The following UBE2E2 variants were observed in gnomAD, a reference collection of about 807,000 sequenced individuals.
UBE2E2 encodes the protein ubiquitin conjugating enzyme E2 E2.
In UBE2E2, 6 loss-of-function variants were observed where a neutral mutation model predicts 24.7. The ratio of observed to expected loss-of-function variants is 0.24; its 90% confidence interval spans 0.13 to 0.48. The LOEUF (loss-of-function observed/expected upper bound fraction) is 0.48. Ranked by LOEUF, UBE2E2 falls within the 20% of genes least tolerant of loss-of-function variation. The probability of loss-of-function intolerance (pLI) is 0.99; values close to 1 mark genes in which losing one functional copy is unlikely to be tolerated. For missense variants in UBE2E2, 169 were observed against 245.0 expected (o/e 0.69, Z 2.07); for synonymous variants, 104 against 83.6 (o/e 1.24, Z -1.33).
At chr3:23,357,890 A>C (rs1244388504) in intron 3 of UBE2E2, among the ~76,000 whole-genome samples, 1 of 152,204 alleles carries the variant, frequency 6.6e-6, no homozygotes, top group African/African-American at 2.4e-5. Flanking sequence ...CCAGGCTGGC[A>C]TGCACTGGCA....
At chr3:23,282,930 C>A (rs1190374454) in intron 3 of UBE2E2, among the ~76,000 whole-genome samples, 2 of 151,940 alleles carry the variant, frequency 1.3e-5, no homozygotes, top group African/African-American at 4.8e-5. Context: ...TAACATAAAC[C>A]TATCAAAACA....
intron 3 of UBE2E2, among the ~76,000 whole-genome samples, chr3:23,259,437 G>A (rs1366855618): frequency 6.6e-6 from 1 of 151,894 alleles, no homozygotes; most frequent in Non-Finnish European, 1.5e-5. Context: ...TTTTAAAAAA[G>A]TATTGTTTGA....
intron 3 of UBE2E2, among the ~76,000 whole-genome samples, chr3:23,267,084 T>A (rs1184869425): frequency 6.6e-6 from 1 of 151,786 alleles, no homozygotes; most frequent in East Asian, 1.9e-4. Context: ...TAGCACTAAA[T>A]GCCCACAAGA....
chr3:23,341,800 T>C (rs951487539), intron 3 of UBE2E2, among the ~76,000 whole-genome samples: 6 of 152,196 alleles, frequency 3.9e-5, no homozygotes, highest in African/African-American at 1.4e-4. Context: ...CAATTTTTTC[T>C]TTGTGAAAAG....
intron 3 of UBE2E2, among the ~76,000 whole-genome samples, chr3:23,357,950 C>T (rs1696008754): frequency 1.3e-5 from 2 of 152,202 alleles, no homozygotes; most frequent in African/African-American, 4.8e-5. Context: ...ATCCTTCTAC[C>T]TCAGCCTTCC....
Position 23,407,507 on chromosome 3 carries a change from C to G in UBE2E2, c.228-92101C>G, listed in dbSNP as rs757038596. Reference sequence around the variant, plus strand: ...ATGTAAAGAATTGATCCCCTGCTCCCGTACTCATCCCTCTTCTTTCACTAC... The same window carrying G: ...ATGTAAAGAATTGATCCCCTGCTCCGGTACTCATCCCTCTTCTTTCACTAC... On this transcript the variant is annotated intron_variant, in intron 3 of 5. Transcript: ENST00000396703. The surrounding 1 kb of genome is among the most constrained non-coding windows in gnomAD (Gnocchi z 4.0). Among the ~76,000 whole-genome samples the G allele has an allele frequency of 1.8e-4, 28 of 152,226 alleles. No homozygotes were observed. The highest frequency in any genetic ancestry group is 3.2e-4 in the Non-Finnish European group (22 of 68,002).
At chr3:23,428,546 G>T (rs1419762622) in intron 3 of UBE2E2, among the ~76,000 whole-genome samples, 1 of 152,086 alleles carries the variant, frequency 6.6e-6, no homozygotes, top group African/African-American at 2.4e-5. Flanking sequence ...TTAAGAATTA[G>T]TGTATATATT....
chr3:23,221,527 G>A (rs1696641907), intron 3 of UBE2E2, among the ~76,000 whole-genome samples: 1 of 152,032 alleles, frequency 6.6e-6, no homozygotes, highest in Admixed American at 6.6e-5. Context: ...TGCCTTATCT[G>A]GACATTTTGT....
intron 3 of UBE2E2, among the ~76,000 whole-genome samples, chr3:23,353,158 A>G (rs1048309507): frequency 1.3e-5 from 2 of 152,252 alleles, no homozygotes; most frequent in African/African-American, 4.8e-5. Context: ...CAATATATGC[A>G]GAAAAGGCCT....
intron 3 of UBE2E2, among the ~76,000 whole-genome samples, chr3:23,241,714 A>C (rs1431421806): frequency 6.6e-6 from 1 of 152,132 alleles, no homozygotes; most frequent in African/African-American, 2.4e-5. Context: ...CTTATGATTA[A>C]CTGTGTTGTG....
At chr3:23,354,533 C>G (rs1051052261) in intron 3 of UBE2E2, among the ~76,000 whole-genome samples, 1 of 151,852 alleles carries the variant, frequency 6.6e-6, no homozygotes, top group Non-Finnish European at 1.5e-5. Context: ...AACAAATTTG[C>G]AAGAAAAAAA....
chr3:23,293,065 C>G (rs1447543217), intron 3 of UBE2E2, among the ~76,000 whole-genome samples: 1 of 152,192 alleles, frequency 6.6e-6, no homozygotes, highest in Non-Finnish European at 1.5e-5. Flanking sequence ...AAGAGCGAAA[C>G]TCCGTCTCAA....
At chr3:23,304,416 A>G (rs750026589) in intron 3 of UBE2E2, among the ~76,000 whole-genome samples, 7 of 152,202 alleles carry the variant, frequency 4.6e-5, no homozygotes, top group Non-Finnish European at 2.9e-5. Flanking sequence ...CAGATTTAGT[A>G]TACTTTTAAA....
At chr3:23,499,080 A>G (rs1165372057) in intron 3 of UBE2E2, among the ~76,000 whole-genome samples, 1 of 152,244 alleles carries the variant, frequency 6.6e-6, no homozygotes, top group South Asian at 2.1e-4. Context: ...AAAATGATAC[A>G]TCTTATCCTC....
chr3:23,281,828 T>G (rs908833612), intron 3 of UBE2E2, among the ~76,000 whole-genome samples: 5 of 152,234 alleles, frequency 3.3e-5, no homozygotes, highest in Non-Finnish European at 5.9e-5. Flanking sequence ...CAAAATAGTT[T>G]GAATTATTGT....
At chr3:23,576,755 G>T (rs565864938) in intron 5 of UBE2E2, among the ~76,000 whole-genome samples, 2 of 152,242 alleles carry the variant, frequency 1.3e-5, no homozygotes, top group African/African-American at 4.8e-5. Context: ...GTTTAGCACT[G>T]GTTCTCCAGT....
intron 5 of UBE2E2, among the ~76,000 whole-genome samples, chr3:23,545,468 A>G (rs1184787410): frequency 6.6e-6 from 1 of 152,344 alleles, no homozygotes; most frequent in East Asian, 1.9e-4. Flanking sequence ...TGAGTTTGAC[A>G]CAGCACATGT....
At chr3:23,214,666 T>C (rs904348116) in intron 2 of UBE2E2, among the ~76,000 whole-genome samples, 2 of 152,108 alleles carry the variant, frequency 1.3e-5, no homozygotes, top group Non-Finnish European at 2.9e-5. Flanking sequence ...ATGTTAAAAA[T>C]AGTTTTCTTT....
At chr3:23,279,392 A>G (rs1698438660) in intron 3 of UBE2E2, among the ~76,000 whole-genome samples, 1 of 152,220 alleles carries the variant, frequency 6.6e-6, no homozygotes, top group African/African-American at 2.4e-5. Context: ...AAATAGCAGC[A>G]TTTAAGCCTT....
Sources: allele counts gnomAD v4.1 joint callset (sites outside exome capture counted in the v4.1 genomes callset), GRCh38; gene constraint gnomAD v4.1.1; non-coding constraint Gnocchi (gnomAD v3.1); transcripts MANE v1.5; gene names NCBI Gene and HGNC (gene_info 2026-07-23, HGNC 2026-07-21).